INSL6: variants seen among roughly 807,000 people sequenced by gnomAD.
INSL6 encodes insulin like 6.
Under a neutral mutation model 9.4 loss-of-function variants are expected in INSL6, and 16 were observed. The observed-to-expected ratio is 1.70, with a 90% confidence interval of 1.15 to 2.59. The LOEUF (loss-of-function observed/expected upper bound fraction) is 2.59. Ranked by LOEUF, INSL6 falls within the 30% of genes most tolerant of loss-of-function variation. The pLI is 0.00. For synonymous variants in INSL6, 154 were observed against 96.9 expected, an observed-to-expected ratio of 1.59 and a Z score of -3.46; for missense variants, 391 against 257.3, an observed-to-expected ratio of 1.52 and a Z score of -3.56.
chr9:5,111,983 C>A, the INSL6 span: 3 of 365,498 alleles, frequency 8.2e-6, no homozygotes, highest in East Asian at 7.7e-5. Context: ...TGGGCTCCCC[C>A]CAGGGCCTGG....
Position 5,142,160 on chromosome 9 carries a change from G to C in INSL6, c.377-8568C>G, listed in dbSNP as rs558749840. Among the ~76,000 whole-genome samples the C allele has an allele frequency of 2.6e-5, 4 of 152,262 alleles. No homozygotes were observed. In the East Asian group the frequency reaches 7.7e-4, roughly 29 times the overall value. On this transcript the variant is annotated intron_variant, in intron 2 of 3. Transcript: ENST00000649639. ...GAAATAGGGTAGCATGATGCCTCCA[G>C]CTTTGTTCTTTTTGCTGAGGAATGC...
intron 3 of INSL6, chr9:5,126,596 G>A: frequency 1.0e-6 from 1 of 981,608 alleles, no homozygotes; most frequent in Non-Finnish European, 1.6e-6. Flanking sequence ...GTTATGACAT[G>A]TGCCCTGTAT....
intron 2 of INSL6, among the ~76,000 whole-genome samples, chr9:5,158,261 G>T (rs970169621): frequency 2.6e-5 from 4 of 152,100 alleles, no homozygotes; most frequent in African/African-American, 9.7e-5. Flanking sequence ...TGGGGGGAGT[G>T]GTCTAGAATG....
chr9:5,065,049 TAC>T, the INSL6 span: 1 of 1,535,740 alleles, frequency 6.5e-7, no homozygotes, highest in East Asian at 2.3e-5. Context: ...TCGTGAGTAA[TAC>T]AGACTTAAAA....
chr9:5,006,319 G>A, the INSL6 span, among the ~76,000 whole-genome samples: 1 of 152,156 alleles, frequency 6.6e-6, no homozygotes, highest in Non-Finnish European at 1.5e-5. Flanking sequence ...AAGAATGCTT[G>A]TGATTTTTGT....
At chr9:5,184,756 G>A (rs1825531329) in intron 1 of INSL6, among the ~76,000 whole-genome samples, 1 of 152,170 alleles carries the variant, frequency 6.6e-6, no homozygotes, top group Non-Finnish European at 1.5e-5. Context: ...GAACGGACCA[G>A]GCCTATCTCC....
At chr9:5,049,074 T>C in the INSL6 span, among the ~76,000 whole-genome samples, 18 of 152,314 alleles carry the variant, frequency 1.2e-4, no homozygotes, top group African/African-American at 3.8e-4. Flanking sequence ...AGACAATATA[T>C]AGTTAATAAA....
At chr9:5,120,169 G>C (rs1391266362), downstream of INSL6, among the ~76,000 whole-genome samples, 2 of 152,330 alleles carry the variant, frequency 1.3e-5, no homozygotes, top group East Asian at 3.9e-4. Context: ...CCTTCAGAGA[G>C]GAGGAACACC....
At chr9:5,143,124 T>C (rs1824534822) in intron 2 of INSL6, among the ~76,000 whole-genome samples, 1 of 152,202 alleles carries the variant, frequency 6.6e-6, no homozygotes, top group African/African-American at 2.4e-5. Flanking sequence ...GTACTGATGT[T>C]CATCAAGGAT....
the INSL6 span, among the ~76,000 whole-genome samples, chr9:5,048,258 C>A: frequency 6.4e-3 from 978 of 152,180 alleles, 9 homozygotes; most frequent in African/African-American, 0.023. Flanking sequence ...TCTCCTGACT[C>A]AGCCTCCCTA....
chr9:5,090,372 G>A, the INSL6 span: 1 of 1,091,642 alleles, frequency 9.2e-7, no homozygotes, highest in Non-Finnish European at 1.2e-6. Context: ...AGTCATTTAT[G>A]TATGATAGTT....
chr9:5,167,481 C>G (rs1471784802), intron 1 of INSL6, among the ~76,000 whole-genome samples: 1 of 152,234 alleles, frequency 6.6e-6, no homozygotes, highest in Non-Finnish European at 1.5e-5. Flanking sequence ...CACAGCACAG[C>G]ACAGCGGCTG....
the INSL6 span, among the ~76,000 whole-genome samples, chr9:5,021,128 G>T: frequency 6.6e-6 from 1 of 152,168 alleles, no homozygotes. Flanking sequence ...CATTGTGCAG[G>T]CTCTCTAGGC....
the INSL6 span, among the ~76,000 whole-genome samples, chr9:5,056,065 C>T: frequency 6.6e-6 from 1 of 152,104 alleles, no homozygotes; most frequent in Admixed American, 6.5e-5. Flanking sequence ...CATCCCTACT[C>T]TAGATTATAC....
chr9:5,124,779 G>C (rs969100264), intron 3 of INSL6, among the ~76,000 whole-genome samples: 1 of 151,518 alleles, frequency 6.6e-6, no homozygotes, highest in African/African-American at 2.4e-5. Flanking sequence ...ACTGATCTTT[G>C]ACAAAATCAA....
intron 1 of INSL6, among the ~76,000 whole-genome samples, chr9:5,169,415 A>G (rs907135222): frequency 3.3e-5 from 5 of 152,232 alleles, no homozygotes; most frequent in Non-Finnish European, 7.3e-5. Flanking sequence ...AGCCACTACA[A>G]AAACACACCA....
chr9:5,013,366 TA>T, the INSL6 span, among the ~76,000 whole-genome samples: 1 of 152,218 alleles, frequency 6.6e-6, no homozygotes, highest in African/African-American at 2.4e-5. Flanking sequence ...TTTGGTATAC[TA>T]AAGAAAGTAA....
intron 1 of INSL6, among the ~76,000 whole-genome samples, chr9:5,172,345 A>G (rs1161577247): frequency 6.6e-6 from 1 of 152,188 alleles, no homozygotes; most frequent in Non-Finnish European, 1.5e-5. Context: ...TAAAACCAAA[A>G]CTATAAAAAC....
the INSL6 span, among the ~76,000 whole-genome samples, chr9:5,035,526 T>C: frequency 1.3e-5 from 2 of 152,192 alleles, no homozygotes; most frequent in African/African-American, 4.8e-5. Context: ...ATCAAAAAGC[T>C]TATCCACCAT....
Sources: allele counts gnomAD v4.1 joint callset (sites outside exome capture counted in the v4.1 genomes callset), GRCh38; gene constraint gnomAD v4.1.1; transcripts MANE v1.5; gene names NCBI Gene and HGNC (gene_info 2026-07-23, HGNC 2026-07-21).